Variants in IQCN observed in about 807,000 individuals in gnomAD.
IQCN encodes the protein IQ motif containing N, also known as IQ domain-containing protein N.
IQCN carries 46 observed loss-of-function variants against 64.4 expected under a neutral mutation model. That is an observed-to-expected ratio of 0.71 (90% CI 0.56 to 0.91). IQCN has a LOEUF of 0.91. Ranked by LOEUF, IQCN falls within the 40% of genes least tolerant of loss-of-function variation. The pLI is 0.00. For missense variants in IQCN, 1,753 were observed against 1,857.4 expected (o/e 0.94, Z 1.03); for synonymous variants, 733 against 775.6 (o/e 0.95, Z 0.91).
chr19:18,257,924 G>C lies in IQCN; in HGVS notation c.3360C>G (p.Ile1120Met). ...EEIRILAVIT[I>M]QAGVRGYLAR... ...CCAGGTAGCCACGGACGCCCGCCTGGATAGTGATCACTGCGAGGATGCGGA... is the reference window on the plus strand; with the variant it reads ...CCAGGTAGCCACGGACGCCCGCCTGCATAGTGATCACTGCGAGGATGCGGA... The change falls in exon 4 of 4, where the codon ATC becomes ATG. Residue 1120 changes from isoleucine (I) to methionine (M), a missense_variant. Ile to Met is a conservative substitution (Grantham distance 10, BLOSUM62 1). Transcript: ENST00000392413. The C allele has an allele frequency of 6.2e-7, 1 of 1,612,894 alleles. No individual in the cohort carries two copies. The highest frequency in any genetic ancestry group is 8.5e-7 in the Non-Finnish European group (1 of 1,179,946).
chr19:18,263,645 CTGA>C (rs1969479145), intron 3 of IQCN, among the ~76,000 whole-genome samples: 1 of 152,144 alleles, frequency 6.6e-6, no homozygotes, highest in Non-Finnish European at 1.5e-5. Context: ...GATTTGGGGG[CTGA>C]TACCTCCTCC....
chr19:18,266,797 G>A lies in IQCN; in HGVS notation c.743C>T (p.Pro248Leu). The change falls in exon 3 of 4, where the codon CCC becomes CTC. Residue 248 changes from proline (P) to leucine (L), a missense_variant. Pro to Leu is a moderately conservative substitution (Grantham distance 98). Transcript: ENST00000392413. The surrounding 1 kb of genome is among the most constrained non-coding windows in gnomAD (Gnocchi z 4.3). ...TTTTGCGTCCAGACTCACTGGGCAG[G>A]GAAATCTGATGGTGACCGTCTGGTG... is the stretch of plus-strand genomic sequence containing the variant. ...LPHQTVTIRF[P>L]CPVSLDAKCQ... The A allele has an allele frequency of 6.2e-7, 1 of 1,614,182 alleles. No individual in the cohort carries two copies. Among genetic ancestry groups the A allele is most frequent in the Non-Finnish European group, 8.5e-7 (1 of 1,180,026 alleles).
At position 18,257,963 on chromosome 19, in the gene IQCN, C is replaced by T. The variant is rs1258795631; in HGVS notation, c.3321G>A (p.Gln1107=). 1.9e-6 allele frequency: 3 copies of T among 1,612,490 alleles called. No homozygotes were observed. Among genetic ancestry groups the T allele is most frequent in the African/African-American group, 2.7e-5 (2 of 74,930 alleles). ...RRSGEPMVSM[Q]AAEEIRILAV... is the part of the protein sequence containing the mutation. ...CGAGGATGCGGATCTCCTCTGCAGC[C>T]TGCATGGACACCATTGGCTCCCCGG... Residue 1107 remains glutamine (Q), a synonymous_variant, in exon 4 of 4, where the codon CAG becomes CAA. Transcript: ENST00000392413.
intron 1 of IQCN, among the ~76,000 whole-genome samples, chr19:18,270,522 G>A (rs943392128): frequency 6.6e-6 from 1 of 151,914 alleles, no homozygotes; most frequent in African/African-American, 2.4e-5. Flanking sequence ...AGCCAGTCAT[G>A]GTGACATGCA....
rs781620868 is a variant in IQCN, at chr19:18,266,814, C to T, written c.726G>A (p.Thr242=). ...VRGLAFLPHQ[T]VTIRFPCPVS... The stretch of plus-strand genomic sequence containing the variant: ...CTGGGCAGGGAAATCTGATGGTGAC[C>T]GTCTGGTGTGGCAGGAAGGCCAGCC... The change falls in exon 3 of 4, where the codon ACG becomes ACA. Residue 242 remains threonine, a synonymous_variant. Transcript: ENST00000392413. This position sits in a 1 kb window ranked among gnomAD's most constrained non-coding sequence, Gnocchi z 4.3. The T allele has an allele frequency of 5.6e-6, 9 of 1,614,114 alleles. No homozygotes were observed. Among genetic ancestry groups the T allele is most frequent in the East Asian group, 4.5e-5 (2 of 44,878 alleles).
chr19:18,265,614 G>C lies in IQCN; in HGVS notation c.1926C>G (p.Asp642Glu), dbSNP rs775839574. 16 of 1,613,882 alleles carry C rather than the reference G, an allele frequency of 9.9e-6. No individual in the cohort carries two copies. The highest frequency in any genetic ancestry group is 1.3e-5 in the Non-Finnish European group (15 of 1,179,998). Reference protein sequence around the residue: ...PSWTKVAEEGDKPPHVYVPVD... With the variant: ...PSWTKVAEEGEKPPHVYVPVD... ...CAGGCACATACACGTGAGGTGGCTTGTCCCCTTCCTCAGCAACTTTTGTCC... is the reference window on the plus strand; with the variant it reads ...CAGGCACATACACGTGAGGTGGCTTCTCCCCTTCCTCAGCAACTTTTGTCC... Residue 642 changes from aspartate (D) to glutamate (E), a missense_variant, in exon 3 of 4, where the codon GAC (aspartate) becomes GAG (glutamate). Transcript: ENST00000392413. This position sits in a 1 kb window ranked among gnomAD's most constrained non-coding sequence, Gnocchi z 4.7.
rs768382541 is a variant in IQCN at position 18,267,012 on chromosome 19, C to T, written c.528G>A (p.Pro176=). 15 of 1,614,112 alleles carry T rather than the reference C, an allele frequency of 9.3e-6. No homozygotes were observed. The highest frequency in any genetic ancestry group is 1.6e-4 in the Middle Eastern group (1 of 6,084). The change falls in exon 3 of 4, where the codon CCG becomes CCA. Residue 176 remains proline, a synonymous_variant. Transcript: ENST00000392413. ...HAPQQVRFQH[P]EENRLLSPPI... is the part of the protein sequence containing the mutation. ...GCGGGGACAGAAGGCGGTTCTCTTC[C>T]GGATGCTGGAAGCGCACCTGCTGTG... is the stretch of plus-strand genomic sequence containing the variant.
intron 3 of IQCN, 146 bp from the exon 4 acceptor site, chr19:18,258,252 C>G: frequency 1.2e-6 from 1 of 856,824 alleles, no homozygotes; most frequent in Non-Finnish European, 1.9e-6. Flanking sequence ...TAGAGACACC[C>G]TCCGAACTCC....
chr19:18,264,719 G>A lies in IQCN; in HGVS notation c.2821C>T (p.Leu941=). ...SMLSMALVKA[L]SWSELRLTLS... ...GTCAGGCGCAGCTCACTCCAGGACAGCGCCTTCACCAGCGCCATGCTCAGC... is the reference window on the plus strand; with the variant it reads ...GTCAGGCGCAGCTCACTCCAGGACAACGCCTTCACCAGCGCCATGCTCAGC... Residue 941 remains leucine (L), a synonymous_variant, in exon 3 of 4, where the codon CTG becomes TTG. Transcript: ENST00000392413. The surrounding 1 kb of genome is among the most constrained non-coding windows in gnomAD (Gnocchi z 4.3). 1.3e-6 allele frequency: 2 copies of A among 1,551,080 alleles called. No homozygotes were observed. Among genetic ancestry groups the A allele is most frequent in the South Asian group, 2.4e-5 (2 of 84,068 alleles).
rs1472515427 is a variant in IQCN at position 18,257,358 on chromosome 19, G to T, written c.3926C>A (p.Ser1309Tyr). 6.2e-7 allele frequency: 1 copy of T among 1,612,522 alleles called. No homozygotes were observed. The highest frequency in any genetic ancestry group is 2.2e-5 in the East Asian group (1 of 44,882). Residue 1309 changes from serine to tyrosine, a missense_variant, in exon 4 of 4, where the codon TCC (serine) becomes TAC (tyrosine). Transcript: ENST00000392413. The part of the protein sequence containing the change: ...RQDKAATAIQ[S>Y]AWRGFKIRQQ... ...GCGGATCTTAAAGCCCCTCCAGGCG[G>T]ACTGGATGGCTGTGGCCGCTTTGTC...
Position 18,258,110 on chromosome 19 carries a change from G to A in IQCN, c.3178-4C>T, listed in dbSNP as rs976638040. ...CCACACCAGCGTCCGCGGGGCCCTG[G>A]AGTATAGTGGAGTTCAGGGATGCCT... On this transcript the variant is annotated splice_region_variant and splice_polypyrimidine_tract_variant and intron_variant, in intron 3 of 3. Transcript: ENST00000392413. 3.7e-6 allele frequency: 6 copies of A among 1,607,444 alleles called. No individual in the cohort carries two copies. The highest frequency in any genetic ancestry group is 2.7e-5 in the African/African-American group (2 of 74,924).
intron 1 of IQCN, among the ~76,000 whole-genome samples, chr19:18,271,464 AG>A (rs1288582501): frequency 7.3e-6 from 1 of 137,044 alleles, no homozygotes; most frequent in East Asian, 2.1e-4. Context: ...AGCGAAACTC[AG>A]TTCAAAAAAA....
rs752899476 is a variant in IQCN at position 18,267,115 on chromosome 19, T to C, written c.425A>G (p.Lys142Arg). The change falls in exon 3 of 4, where the codon AAG (lysine) becomes AGG (arginine). Residue 142 changes from lysine (K) to arginine (R), a missense_variant. Lys to Arg is a conservative substitution (Grantham distance 26). Transcript: ENST00000392413. ...AIQEAWRRFNKRHILHSSKSL... is the reference protein window; with the variant it reads ...AIQEAWRRFNRRHILHSSKSL... ...CTTGCTGGAGTGAAGGATGTGTCTC[T>C]TGTTGAAGCGCCGCCAGGCCTCCTG... 1.9e-6 allele frequency: 3 copies of C among 1,614,240 alleles called. No individual in the cohort carries two copies.
chr19:18,266,837 G>C lies in IQCN; in HGVS notation c.703C>G (p.Leu235Val), dbSNP rs8103906. Residue 235 changes from leucine (L) to valine (V), a missense_variant, in exon 3 of 4, where the codon CTG becomes GTG. By Grantham distance (32) the Leu-to-Val change is conservative. Transcript: ENST00000392413. The surrounding 1 kb of genome is among the most constrained non-coding windows in gnomAD (Gnocchi z 4.3). ...QGPHAARVRG[L>V]AFLPHQTVTI... Reference sequence around the variant, plus strand: ...ACCGTCTGGTGTGGCAGGAAGGCCAGCCCCCGGACTCTGGCAGCATGAGGA... The same window carrying C: ...ACCGTCTGGTGTGGCAGGAAGGCCACCCCCCGGACTCTGGCAGCATGAGGA... The C allele has an allele frequency of 0.47, 750,981 of 1,613,608 alleles. 179,097 individuals are homozygous for C. The highest frequency in any genetic ancestry group is 0.71 in the African/African-American group (53,557 of 74,908).
chr19:18,265,204 T>C lies in IQCN; in HGVS notation c.2336A>G (p.Lys779Arg), dbSNP rs1158945583. 1 of 1,611,670 alleles carries C rather than the reference T, an allele frequency of 6.2e-7. No homozygotes were observed. Among genetic ancestry groups the C allele is most frequent in the Admixed American group, 1.7e-5 (1 of 60,020 alleles). Residue 779 changes from lysine (K) to arginine (R), a missense_variant, in exon 3 of 4, where the codon AAG becomes AGG. Lys to Arg is a conservative substitution (Grantham distance 26). Transcript: ENST00000392413. This position sits in a 1 kb window ranked among gnomAD's most constrained non-coding sequence, Gnocchi z 4.7. ...THSQVLLTGS[K>R]VSNHACQRLG... ...GCGCTGGCAGGCGTGGTTGGACACC[T>C]TGGACCCTGTTAGGAGCACCTGGGA...
chr19:18,258,256 G>A (rs780561460), intron 3 of IQCN, 150 bp from the exon 4 acceptor site: 11 of 828,796 alleles, frequency 1.3e-5, no homozygotes, highest in Admixed American at 7.9e-5. Flanking sequence ...GACACCCTCC[G>A]AACTCCCGGG....
In IQCN at chr19:18,257,432, G is replaced by A. The variant is rs1365069004; in HGVS notation, c.3852C>T (p.Ala1284=). The part of the protein sequence containing the change: ...GTEGPGAVSW[A]SAYQLAALSP... The stretch of plus-strand genomic sequence containing the variant: ...TCAGGGCAGCCAGCTGGTAGGCGGA[G>A]GCCCAAGACACTGCCCCGGGGCCCT... Residue 1284 remains alanine, a synonymous_variant, in exon 4 of 4, where the codon GCC becomes GCT. Transcript: ENST00000392413. 6.2e-7 allele frequency: 1 copy of A among 1,609,766 alleles called. No homozygotes were observed. The highest frequency in any genetic ancestry group is 8.5e-7 in the Non-Finnish European group (1 of 1,179,206).
chr19:18,266,058 C>T lies in IQCN; in HGVS notation c.1482G>A (p.Gln494=), dbSNP rs750962853. ...TGGTTATCATGGCTGGCAGGCGGGT[C>T]TGGGGTGAGGGCTTGGTCACCCCAA... ...SPVGVTKPSP[Q]TRLPAMITKT... The change falls in exon 3 of 4, where the codon CAG becomes CAA. Residue 494 remains glutamine, a synonymous_variant. Coordinates refer to ENST00000392413, the MANE Select transcript of IQCN (RefSeq NM_001145304.2). The surrounding 1 kb of genome is among the most constrained non-coding windows in gnomAD (Gnocchi z 4.3). 6.2e-7 allele frequency: 1 copy of T among 1,613,306 alleles called. No homozygotes were observed. The highest frequency in any genetic ancestry group is 1.1e-5 in the South Asian group (1 of 91,044).
chr19:18,257,654 G>A lies in IQCN; in HGVS notation c.3630C>T (p.Gly1210=). The change falls in exon 4 of 4, where the codon GGC becomes GGT. Residue 1210 remains glycine, a synonymous_variant. Coordinates refer to ENST00000392413, the MANE Select transcript of IQCN (RefSeq NM_001145304.2). The part of the protein sequence containing the change: ...VMSDRSWFQD[G]RARTVSDHRC... ...GATGGTCAGATACTGTCCTGGCTCTGCCATCCTGGAACCAGCTTCGGTCAG... is the reference window on the plus strand; with the variant it reads ...GATGGTCAGATACTGTCCTGGCTCTACCATCCTGGAACCAGCTTCGGTCAG... 1 of 1,609,598 alleles carries A rather than the reference G, an allele frequency of 6.2e-7. No individual in the cohort carries two copies. The highest frequency in any genetic ancestry group is 8.5e-7 in the Non-Finnish European group (1 of 1,177,698).
Sources: gnomAD v4.1 joint callset for allele counts (sites outside exome capture counted in the v4.1 genomes callset) on GRCh38, gnomAD v4.1.1 for gene constraint, Gnocchi (gnomAD v3.1) non-coding constraint, MANE v1.5 for transcripts, NCBI Gene and HGNC (gene_info 2026-07-23, HGNC 2026-07-21) for gene names.